Variants in STK31 observed in about 807,000 individuals in gnomAD.
The protein encoded by STK31 is serine/threonine kinase 31, also known as serine/threonine-protein kinase 31.
A neutral mutation model predicts 129.7 loss-of-function variants in STK31; 89 were observed. The ratio of observed to expected loss-of-function variants is 0.69; its 90% CI spans 0.58 to 0.82. The LOEUF is 0.82. Among genes scored for constraint, STK31 ranks in the 40% least tolerant of loss-of-function variants. STK31 has a pLI of 0.00. For missense variants in STK31, 1,187 were observed against 1,176.4 expected (o/e 1.01, Z -0.13); for synonymous variants, 448 against 395.3 (o/e 1.13, Z -1.58).
intron 23 of STK31, among the ~76,000 whole-genome samples, chr7:23,827,349 A>G (rs969817967): frequency 6.6e-6 from 1 of 151,454 alleles, no homozygotes; most frequent in Non-Finnish European, 1.5e-5. Context: ...CATTCATTTC[A>G]TCTTCCGTCA....
chr7:23,781,413 T>G lies in STK31; in HGVS notation c.1966-6T>G, dbSNP rs749337728. ...AATAAAAAACACTTTTTCTTTCTGA[T>G]TCAAGTCAGATGATCCTGATGGCTC... On this transcript the variant is annotated splice_polypyrimidine_tract_variant and splice_region_variant and intron_variant, in intron 15 of 23. Transcript: ENST00000355870. The G allele has an allele frequency of 2.5e-6, 4 of 1,597,406 alleles. No individual in the cohort carries two copies. The African/African-American group carries it at 5.4e-5, about 22-fold the overall frequency.
chr7:23,751,055 C>CT (rs1470520598), intron 8 of STK31, among the ~76,000 whole-genome samples: 1 of 152,196 alleles, frequency 6.6e-6, no homozygotes, highest in African/African-American at 2.4e-5. Context: ...CCTCTGGTAT[C>CT]TATCATTCCA....
At chr7:23,737,838 C>A (rs943302122) in intron 8 of STK31, among the ~76,000 whole-genome samples, 1 of 150,602 alleles carries the variant, frequency 6.6e-6, no homozygotes, top group Admixed American at 6.7e-5. Flanking sequence ...TTTTCCCCCC[C>A]AGGGATACAG....
At chr7:23,741,249 C>G (rs1425683489) in intron 8 of STK31, among the ~76,000 whole-genome samples, 1 of 152,138 alleles carries the variant, frequency 6.6e-6, no homozygotes, top group Non-Finnish European at 1.5e-5. Flanking sequence ...AGTTATTTCT[C>G]CAAGCTATAG....
intron 22 of STK31, among the ~76,000 whole-genome samples, chr7:23,799,992 A>G (rs1226739216): frequency 1.3e-5 from 2 of 152,234 alleles, no homozygotes; most frequent in East Asian, 3.8e-4. Flanking sequence ...AAAGCTCATC[A>G]TCACTGGTCA....
intron 23 of STK31, among the ~76,000 whole-genome samples, chr7:23,829,445 G>A (rs1794410892): frequency 6.6e-6 from 1 of 152,178 alleles, no homozygotes; most frequent in Admixed American, 6.5e-5. Flanking sequence ...ATTTGGGTGT[G>A]TTGAACCATC....
chr7:23,761,389 T>C (rs1193460595), intron 10 of STK31, among the ~76,000 whole-genome samples: 1 of 152,022 alleles, frequency 6.6e-6, no homozygotes, highest in Non-Finnish European at 1.5e-5. Flanking sequence ...GTATTTTGCA[T>C]AGTTCTTTAA....
At chr7:23,785,755 A>G in intron 18 of STK31, 152 bp downstream of exon 18, 1 of 1,066,878 alleles carries the variant, frequency 9.4e-7, no homozygotes, top group Non-Finnish European at 1.3e-6. Context: ...TGGTTGCCAG[A>G]ACTAATTTTC....
intron 22 of STK31, among the ~76,000 whole-genome samples, chr7:23,794,734 C>T (rs568195163): frequency 4.6e-5 from 7 of 152,102 alleles, no homozygotes; most frequent in South Asian, 4.1e-4. Context: ...AGAATAAACG[C>T]GACTCTTGAT....
chr7:23,784,661 A>G (rs1385472093), intron 17 of STK31, among the ~76,000 whole-genome samples: 5 of 152,104 alleles, frequency 3.3e-5, no homozygotes, highest in Non-Finnish European at 7.4e-5. Context: ...TGTATTGTAG[A>G]ATACTTAAAT....
At chr7:23,750,343 T>C (rs920092737) in intron 8 of STK31, among the ~76,000 whole-genome samples, 2 of 152,146 alleles carry the variant, frequency 1.3e-5, no homozygotes, top group African/African-American at 2.4e-5. Flanking sequence ...CCTGTCTGTC[T>C]GTTTAATTTT....
chr7:23,808,984 G>GT (rs1554297264), intron 22 of STK31, among the ~76,000 whole-genome samples: 1 of 39,404 alleles, frequency 2.5e-5, no homozygotes, highest in East Asian at 7.5e-4. Context: ...TGTGTCTGTT[G>GT]GCATTTCTGG....
At chr7:23,829,191 G>A (rs925657030) in intron 23 of STK31, among the ~76,000 whole-genome samples, 5 of 152,124 alleles carry the variant, frequency 3.3e-5, no homozygotes, top group Middle Eastern at 3.4e-3. Context: ...GATTACAGGC[G>A]TGAGCCACTG....
intron 22 of STK31, among the ~76,000 whole-genome samples, chr7:23,806,675 T>C (rs1013557387): frequency 4.0e-5 from 6 of 151,634 alleles, no homozygotes; most frequent in African/African-American, 1.5e-4. Context: ...CCGAGGCGGG[T>C]GGATCACGAG....
At chr7:23,733,809 A>G (rs1787567633) in intron 6 of STK31, among the ~76,000 whole-genome samples, 1 of 152,038 alleles carries the variant, frequency 6.6e-6, no homozygotes, top group African/African-American at 2.4e-5. Flanking sequence ...ACTCCATTCA[A>G]AAAATAAAAA....
chr7:23,717,702 T>C, intron 4 of STK31, 123 bp downstream of exon 4: 1 of 677,608 alleles, frequency 1.5e-6, no homozygotes, highest in South Asian at 1.9e-5. Context: ...GGAATTTGTA[T>C]AAACTACTGT....
intron 1 of STK31, among the ~76,000 whole-genome samples, 174 bp from the exon 2 acceptor site, chr7:23,711,925 T>C (rs543798643): frequency 2.1e-5 from 3 of 144,168 alleles, no homozygotes; most frequent in East Asian, 2.2e-4. Flanking sequence ...TACTACAAAA[T>C]ACTCAAAAGA....
intron 4 of STK31, chr7:23,726,106 C>T (rs1787049989): frequency 6.6e-6 from 1 of 152,218 alleles, no homozygotes; most frequent in Non-Finnish European, 1.5e-5. Context: ...CCCCCTCCAA[C>T]ATTGGGAATC....
chr7:23,767,295 C>G (rs1789891116), intron 11 of STK31, among the ~76,000 whole-genome samples: 1 of 152,148 alleles, frequency 6.6e-6, no homozygotes, highest in Non-Finnish European at 1.5e-5. Context: ...CTCATATTCC[C>G]TTGGAACTAT....
Sources: allele counts gnomAD v4.1 joint callset (sites outside exome capture counted in the v4.1 genomes callset), GRCh38; gene constraint gnomAD v4.1.1; transcripts MANE v1.5; gene names NCBI Gene and HGNC (gene_info 2026-07-23, HGNC 2026-07-21).